Variants in ADK observed in about 807,000 individuals in gnomAD.
The protein encoded by ADK is N6,N6-dimethyladenosine kinase.
In ADK, 24 loss-of-function variants were observed where a neutral mutation model predicts 44.7. The observed-to-expected ratio is 0.54, with a 90% CI of 0.39 to 0.76. The LOEUF is 0.76. ADK is among the 30% of genes least tolerant of loss of function. The pLI, the probability that ADK is intolerant of heterozygous loss-of-function variation, is 0.00. For synonymous variants in ADK, 128 were observed against 142.6 expected (o/e 0.90, Z 0.73); for missense variants, 321 against 425.1 (o/e 0.76, Z 2.15).
chr10:74,684,103 G>C (rs1855710025), intron 10 of ADK, among the ~76,000 whole-genome samples: 1 of 152,174 alleles, frequency 6.6e-6, no homozygotes, highest in Non-Finnish European at 1.5e-5. Flanking sequence ...CATCTGTCAG[G>C]GTTGTGAAAC....
chr10:74,577,746 C>A (rs1323718346), intron 7 of ADK, among the ~76,000 whole-genome samples: 8 of 152,060 alleles, frequency 5.3e-5, no homozygotes, highest in Non-Finnish European at 1.0e-4. Context: ...TCTTCTCCCT[C>A]TAAAAATCAA....
intron 1 of ADK, among the ~76,000 whole-genome samples, chr10:74,175,884 A>T (rs973962768): frequency 6.6e-6 from 1 of 152,222 alleles, no homozygotes; most frequent in East Asian, 1.9e-4. Flanking sequence ...TTTTCCTTTT[A>T]TTGGTTCACA....
intron 9 of ADK, among the ~76,000 whole-genome samples, chr10:74,642,111 T>G (rs1167603747): frequency 6.6e-6 from 1 of 152,244 alleles, no homozygotes; most frequent in Non-Finnish European, 1.5e-5. Flanking sequence ...TCCAGCTGAC[T>G]TCTGTTAACC....
At chr10:74,326,303 C>T (rs965249098) in intron 4 of ADK, among the ~76,000 whole-genome samples, 2 of 151,944 alleles carry the variant, frequency 1.3e-5, no homozygotes, top group Non-Finnish European at 2.9e-5. Flanking sequence ...GTATTAGTTT[C>T]GCTTTGAATA....
intron 7 of ADK, among the ~76,000 whole-genome samples, chr10:74,588,420 A>G (rs1391214500): frequency 1.3e-5 from 2 of 152,192 alleles, no homozygotes; most frequent in African/African-American, 2.4e-5. Context: ...CTTGTTAAAA[A>G]CATTAAGCTA....
intron 4 of ADK, among the ~76,000 whole-genome samples, chr10:74,366,974 C>T (rs1032858798): frequency 6.6e-6 from 1 of 152,134 alleles, no homozygotes; most frequent in African/African-American, 2.4e-5. Context: ...GCTATGAAAC[C>T]ACACATTGTA....
intron 8 of ADK, among the ~76,000 whole-genome samples, chr10:74,592,697 C>T (rs1191174960): frequency 6.6e-6 from 1 of 152,136 alleles, no homozygotes; most frequent in African/African-American, 2.4e-5. Context: ...AGATCCTAGA[C>T]TTGTAGTCTT....
At chr10:74,547,099 A>G (rs952368652) in intron 7 of ADK, among the ~76,000 whole-genome samples, 1 of 152,142 alleles carries the variant, frequency 6.6e-6, no homozygotes, top group African/African-American at 2.4e-5. Context: ...AATCTAGGAA[A>G]GAATTATAAG....
intron 6 of ADK, among the ~76,000 whole-genome samples, chr10:74,416,688 C>T: frequency 6.6e-6 from 1 of 151,640 alleles, no homozygotes; most frequent in Non-Finnish European, 1.5e-5. Context: ...CAACTCTTTT[C>T]AGCTCTGCTG....
At chr10:74,655,288 GC>G in intron 9 of ADK, 1 of 468,370 alleles carries the variant, frequency 2.1e-6, no homozygotes. Flanking sequence ...TTTGAGAAGG[GC>G]CCAGCTGAAA....
At chr10:74,295,658 T>C (rs1022987253) in intron 3 of ADK, among the ~76,000 whole-genome samples, 3 of 152,090 alleles carry the variant, frequency 2.0e-5, no homozygotes, top group Admixed American at 2.0e-4. Context: ...ATATTGTCTA[T>C]GATTGGTTTT....
chr10:74,540,242 CTG>C (rs997700063), intron 7 of ADK, among the ~76,000 whole-genome samples: 19 of 152,150 alleles, frequency 1.2e-4, no homozygotes, highest in African/African-American at 3.1e-4. Flanking sequence ...AAGAAAAACA[CTG>C]TGTAATTTGA....
At chr10:74,360,430 TC>T (rs575025096) in intron 4 of ADK, among the ~76,000 whole-genome samples, 46 of 152,328 alleles carry the variant, frequency 3.0e-4, no homozygotes, top group African/African-American at 1.1e-3. Flanking sequence ...GTTTTTTACT[TC>T]AGTGTTTGTT....
At chr10:74,236,873 A>C (rs1203813051) in intron 3 of ADK, among the ~76,000 whole-genome samples, 1 of 152,212 alleles carries the variant, frequency 6.6e-6, no homozygotes, top group African/African-American at 2.4e-5. Context: ...ATTGTATATA[A>C]AAATGTATAT....
chr10:74,194,735 A>G (rs980854145), intron 1 of ADK, among the ~76,000 whole-genome samples: 1 of 152,178 alleles, frequency 6.6e-6, no homozygotes, highest in Non-Finnish European at 1.5e-5. Flanking sequence ...GATAAAACCA[A>G]GATGATGTCG....
chr10:74,342,974 T>G (rs1357930935), intron 4 of ADK, among the ~76,000 whole-genome samples: 1 of 152,174 alleles, frequency 6.6e-6, no homozygotes, highest in Non-Finnish European at 1.5e-5. Context: ...TTAACTATTT[T>G]CCCCCTTCCT....
intron 7 of ADK, among the ~76,000 whole-genome samples, chr10:74,561,094 G>A (rs956343219): frequency 1.4e-4 from 21 of 152,160 alleles, no homozygotes; most frequent in Admixed American, 3.9e-4. Flanking sequence ...GTTACTGGTC[G>A]AAGAGCTTTG....
At chr10:74,696,313 G>T (rs1052191554) in intron 10 of ADK, among the ~76,000 whole-genome samples, 2 of 151,632 alleles carry the variant, frequency 1.3e-5, no homozygotes, top group African/African-American at 2.4e-5. Flanking sequence ...AAGCCATTAC[G>T]CCTGGCCTGA....
chr10:74,235,239 G>T (rs1463593790), intron 3 of ADK, among the ~76,000 whole-genome samples: 1 of 151,262 alleles, frequency 6.6e-6, no homozygotes, highest in Non-Finnish European at 1.5e-5. Flanking sequence ...TTCTACAACA[G>T]GTAGAAAGAG....
Sources: gnomAD v4.1 joint callset for allele counts (sites outside exome capture counted in the v4.1 genomes callset) on GRCh38, gnomAD v4.1.1 for gene constraint, MANE v1.5 for transcripts, NCBI Gene and HGNC (gene_info 2026-07-23, HGNC 2026-07-21) for gene names.